Variants in GMDS observed in about 807,000 individuals in gnomAD.
GMDS encodes the protein GDP-mannose 4,6-dehydratase.
Under a neutral mutation model 49.9 loss-of-function variants are expected in GMDS, and 20 were observed. The observed-to-expected ratio is 0.40, with a 90% CI of 0.28 to 0.58. The LOEUF is 0.58. GMDS is among the 20% of genes least tolerant of loss of function. The pLI is 0.42. For missense variants in GMDS, 362 were observed against 481.4 expected (o/e 0.75, Z 2.32); for synonymous variants, 177 against 178.6 (o/e 0.99, Z 0.07).
chr6:2,211,119 A>G (rs1780043774), intron 1 of GMDS, among the ~76,000 whole-genome samples: 1 of 152,132 alleles, frequency 6.6e-6, no homozygotes, highest in Non-Finnish European at 1.5e-5. Flanking sequence ...TTTTCTTCAT[A>G]AATTACCCAG....
At chr6:2,028,172 TCACA>T (rs1768719958) in intron 4 of GMDS, among the ~76,000 whole-genome samples, 1 of 152,222 alleles carries the variant, frequency 6.6e-6, no homozygotes, top group South Asian at 2.1e-4. Context: ...ATACTTTTGT[TCACA>T]CAAACAGCGC....
chr6:1,853,485 T>G (rs1230340204), intron 7 of GMDS, among the ~76,000 whole-genome samples: 1 of 123,400 alleles, frequency 8.1e-6, no homozygotes, highest in Admixed American at 1.1e-4. Flanking sequence ...GCCACTGCAC[T>G]CCAGCCTGGG....
chr6:2,126,463 C>T lies in GMDS; in HGVS notation c.103-1732G>A, dbSNP rs145264798. Among the ~76,000 whole-genome samples, 21 of 152,192 alleles carry T rather than the reference C, an allele frequency of 1.4e-4. No individual in the cohort carries two copies. The East Asian group carries it at 4.1e-3, about 29-fold the overall frequency. On this transcript the variant is annotated intron_variant, in intron 1 of 10. Transcript: ENST00000380815. Reference sequence around the variant, plus strand: ...AAAACAAAAAACCTTTTTCTTATTACTTGACCAAAAGCTGGAATTGGAAAC... The same window carrying T: ...AAAACAAAAAACCTTTTTCTTATTATTTGACCAAAAGCTGGAATTGGAAAC...
At chr6:1,741,010 T>C (rs577385681) in intron 8 of GMDS, among the ~76,000 whole-genome samples, 46 of 152,340 alleles carry the variant, frequency 3.0e-4, no homozygotes, top group Middle Eastern at 3.4e-3. Flanking sequence ...AATTGGGCAG[T>C]ATCTCTTTTT....
intron 7 of GMDS, among the ~76,000 whole-genome samples, chr6:1,802,031 A>T (rs1769971374): frequency 6.6e-6 from 1 of 152,226 alleles, no homozygotes. Flanking sequence ...CAAAATTGGG[A>T]GTTGGATATT....
intron 9 of GMDS, among the ~76,000 whole-genome samples, chr6:1,695,930 T>G (rs1476295661): frequency 6.6e-6 from 1 of 150,988 alleles, no homozygotes; most frequent in Non-Finnish European, 1.5e-5. Context: ...TTTCTTTTTT[T>G]TTTTTTTTAA....
chr6:2,210,623 C>T (rs1039962931), intron 1 of GMDS, among the ~76,000 whole-genome samples: 1 of 152,168 alleles, frequency 6.6e-6, no homozygotes, highest in African/African-American at 2.4e-5. Flanking sequence ...TAGGGGCTCC[C>T]AGGAAAGGTC....
At chr6:2,135,204 T>C (rs1431558828) in intron 1 of GMDS, among the ~76,000 whole-genome samples, 1 of 152,218 alleles carries the variant, frequency 6.6e-6, no homozygotes, top group Non-Finnish European at 1.5e-5. Context: ...AAAACCCATA[T>C]ACAGTTTAGC....
intron 4 of GMDS, among the ~76,000 whole-genome samples, chr6:1,974,505 G>A (rs1265732566): frequency 6.6e-6 from 1 of 152,130 alleles, no homozygotes; most frequent in Non-Finnish European, 1.5e-5. Context: ...ACAGCCACAC[G>A]TTTTCTCTCT....
intron 4 of GMDS, among the ~76,000 whole-genome samples, chr6:1,961,354 C>A (rs962423261): frequency 7.2e-5 from 11 of 152,108 alleles, no homozygotes; most frequent in African/African-American, 2.4e-4. Flanking sequence ...TTTTAATGAG[C>A]CCCAGTTGAT....
chr6:2,166,971 T>C (rs1777699675), intron 1 of GMDS, among the ~76,000 whole-genome samples: 1 of 152,218 alleles, frequency 6.6e-6, no homozygotes, highest in Non-Finnish European at 1.5e-5. Context: ...GACCGTTGCC[T>C]CTACAAATAG....
At chr6:1,675,291 T>C (rs1170281016) in intron 9 of GMDS, among the ~76,000 whole-genome samples, 1 of 151,554 alleles carries the variant, frequency 6.6e-6, no homozygotes, top group Non-Finnish European at 1.5e-5. Context: ...ACTTGTATCG[T>C]GCAACCTTGC....
chr6:2,212,707 T>TAAAA (rs35503764), intron 1 of GMDS, among the ~76,000 whole-genome samples: 1,297 of 113,512 alleles, frequency 0.011, 16 homozygotes, highest in African/African-American at 0.025. Context: ...GATTAACTTG[T>TAAAA]AAAAAAAAAA....
intron 4 of GMDS, among the ~76,000 whole-genome samples, chr6:1,997,705 G>T (rs531715273): frequency 3.3e-5 from 5 of 151,962 alleles, no homozygotes; most frequent in Non-Finnish European, 7.4e-5. Flanking sequence ...ACCCTAGTGA[G>T]GTTCATCTCC....
intron 7 of GMDS, among the ~76,000 whole-genome samples, chr6:1,871,058 G>GCA (rs3839602): frequency 0.4 from 59,062 of 146,962 alleles, 11,742 homozygotes; most frequent in East Asian, 0.64. Context: ...CTATCCCCCA[G>GCA]CACACACACA....
chr6:1,888,464 C>T (rs1254557697), intron 7 of GMDS, among the ~76,000 whole-genome samples: 1 of 152,090 alleles, frequency 6.6e-6, no homozygotes, highest in Non-Finnish European at 1.5e-5. Flanking sequence ...CGAAAGAACA[C>T]CATGGGGGAA....
chr6:1,672,677 C>G (rs1376850402), intron 9 of GMDS, among the ~76,000 whole-genome samples: 1 of 152,228 alleles, frequency 6.6e-6, no homozygotes, highest in Non-Finnish European at 1.5e-5. Flanking sequence ...TCATCACCAC[C>G]AGACTGGGTA....
intron 4 of GMDS, among the ~76,000 whole-genome samples, chr6:2,001,121 A>G (rs9392351): frequency 0.71 from 108,081 of 151,990 alleles, 38,676 homozygotes; most frequent in African/African-American, 0.76. Flanking sequence ...AGTGTACGAG[A>G]TTTCCAATTC....
chr6:2,181,174 C>CAAAAAAAAAAA (rs755377915), intron 1 of GMDS, among the ~76,000 whole-genome samples: 2 of 51,338 alleles, frequency 3.9e-5, no homozygotes, highest in Admixed American at 1.9e-4. Context: ...GACTCCATCT[C>CAAAAAAAAAAA]AAAAAAAAAA....
Sources: allele counts gnomAD v4.1 joint callset (sites outside exome capture counted in the v4.1 genomes callset), GRCh38; gene constraint gnomAD v4.1.1; transcripts MANE v1.5; gene names NCBI Gene and HGNC (gene_info 2026-07-23, HGNC 2026-07-21).